NUP50: variants seen among roughly 807,000 people sequenced by gnomAD.
NUP50 encodes nucleoporin 50.
Under a neutral mutation model 36.8 loss-of-function variants are expected in NUP50, and 14 were observed. The ratio of observed to expected loss-of-function variants is 0.38; its 90% CI spans 0.25 to 0.59. NUP50 has a LOEUF of 0.59. Among genes scored for constraint, NUP50 ranks in the 20% least tolerant of loss-of-function variants. The pLI, the probability that NUP50 is intolerant of heterozygous loss-of-function variation, is 0.63. For missense variants in NUP50, 455 were observed against 564.6 expected, an observed-to-expected ratio of 0.81 and a Z score of 1.97; for synonymous variants, 195 against 210.8, an observed-to-expected ratio of 0.93 and a Z score of 0.65.
Position 45,164,111 on chromosome 22 carries a change from A to C in NUP50, c.-196A>C, listed in dbSNP as rs2074055371. ...CGAACACAGCGTGAGGAGCCCCCCC[A>C]GGGATATGGTGTTTGAGTCTCTGGG... is the stretch of plus-strand genomic sequence containing the variant. On this transcript the variant is annotated 5_prime_UTR_variant, in exon 1 of 8. Coordinates refer to ENST00000347635, the MANE Select transcript of NUP50 (RefSeq NM_007172.4). 1 of 152,186 alleles carries C rather than the reference A, an allele frequency of 6.6e-6. No individual in the cohort carries two copies. Among genetic ancestry groups the C allele is most frequent in the Non-Finnish European group, 1.5e-5 (1 of 68,068 alleles). The allele number at this position is 152,186 out of a possible 1,614,324, so 9.4% of individuals were successfully genotyped here.
chr22:45,167,791 C>A lies in NUP50; in HGVS notation c.-10-377C>A, dbSNP rs867277196. Among the ~76,000 whole-genome samples, 3 of 152,324 alleles carry A rather than the reference C, an allele frequency of 2.0e-5. No homozygotes were observed. The South Asian group carries it at 6.2e-4, about 32-fold the overall frequency. On this transcript the variant is annotated intron_variant, in intron 1 of 7. Transcript: ENST00000347635. ...ATTATTTTCTTTATGACAAGACTTT[C>A]AGTATGTATATGCGTAGAATAAGTT...
chr22:45,170,946 T>G, intron 2 of NUP50: 1 of 1,293,990 alleles, frequency 7.7e-7, no homozygotes, highest in South Asian at 1.2e-5. Context: ...CAACTATAGG[T>G]GAGAATTTTT....
At chr22:45,174,408 C>A (rs2074245906) in intron 3 of NUP50, among the ~76,000 whole-genome samples, 1 of 152,154 alleles carries the variant, frequency 6.6e-6, no homozygotes, top group Admixed American at 6.5e-5. Context: ...AACTCCTGGG[C>A]TCAAGTGACC....
chr22:45,173,453 C>A (rs1294334069), intron 3 of NUP50, among the ~76,000 whole-genome samples: 1 of 150,216 alleles, frequency 6.7e-6, no homozygotes, highest in Non-Finnish European at 1.5e-5. Flanking sequence ...TGGGAAGATA[C>A]ATGGGGGGAG....
Position 45,164,216 on chromosome 22 carries a change from G to A in NUP50, c.-91G>A, listed in dbSNP as rs2074057127. On this transcript the variant is annotated 5_prime_UTR_variant, in exon 1 of 8. Coordinates refer to ENST00000347635, the MANE Select transcript of NUP50 (RefSeq NM_007172.4). ...GCGCGCTCAGCCCGGCGACCCCTGCGGGCTCCAGACCCCTGCGCCGCTGCG... is the reference window on the plus strand; with the variant it reads ...GCGCGCTCAGCCCGGCGACCCCTGCAGGCTCCAGACCCCTGCGCCGCTGCG... 1 of 152,286 alleles carries A rather than the reference G, an allele frequency of 6.6e-6. No individual in the cohort carries two copies. The highest frequency in any genetic ancestry group is 2.4e-5 in the African/African-American group (1 of 41,460). 9.4% of individuals were successfully genotyped at this position (152,286 alleles called of 1,614,324 possible).
intron 5 of NUP50, 105 bp downstream of exon 5, chr22:45,179,005 C>T (rs756355061): frequency 2.5e-5 from 27 of 1,079,588 alleles, no homozygotes; most frequent in Middle Eastern, 2.1e-4. Flanking sequence ...CACATTGAGA[C>T]GTTGTTCTCT....
At chr22:45,167,766 A>G in intron 1 of NUP50, among the ~76,000 whole-genome samples, 1 of 152,350 alleles carries the variant, frequency 6.6e-6, no homozygotes, top group South Asian at 2.1e-4. Flanking sequence ...AAATATTAAA[A>G]TTATTTTCTT....
At chr22:45,183,345 C>T (rs2074412199) in intron 6 of NUP50, 57 bp from the exon 7 acceptor site, 2 of 992,188 alleles carry the variant, frequency 2.0e-6, no homozygotes, top group Non-Finnish European at 3.2e-6. Flanking sequence ...TGTTAGAAAA[C>T]TGTGTGACTT....
At position 45,170,231 on chromosome 22, in the gene NUP50, G is replaced by C. The variant is rs930260001; in HGVS notation, c.70-1369G>C. ...CGCCCAGCCATTCAGGGCCACTGCC[G>C]GTCTCCGTGTCTTGGTGGTAGTAGT... On this transcript the variant is annotated intron_variant, in intron 2 of 7. Transcript: ENST00000347635. Among the ~76,000 whole-genome samples the C allele has an allele frequency of 2.6e-5, 4 of 151,812 alleles. No individual in the cohort carries two copies. In the East Asian group the frequency reaches 7.8e-4, roughly 30 times the overall value.
intron 6 of NUP50, among the ~76,000 whole-genome samples, chr22:45,182,745 C>G (rs1262609331): frequency 6.6e-6 from 1 of 150,416 alleles, no homozygotes. Flanking sequence ...CTGCCTCAGC[C>G]TCCCGAGTAG....
At chr22:45,172,892 T>A (rs2074218347) in intron 3 of NUP50, among the ~76,000 whole-genome samples, 1 of 152,206 alleles carries the variant, frequency 6.6e-6, no homozygotes, top group African/African-American at 2.4e-5. Context: ...CTAAAATATA[T>A]TACTGTATAT....
At chr22:45,182,446 AATAC>A (rs1264671839) in intron 6 of NUP50, among the ~76,000 whole-genome samples, 10 of 152,028 alleles carry the variant, frequency 6.6e-5, no homozygotes, top group African/African-American at 2.4e-4. Context: ...TCTCAAAAGA[AATAC>A]ATAAATCAAT....
intron 6 of NUP50, among the ~76,000 whole-genome samples, chr22:45,182,518 G>A (rs1168579108): frequency 6.6e-6 from 1 of 151,980 alleles, no homozygotes; most frequent in Non-Finnish European, 1.5e-5. Flanking sequence ...AGGAGGCTGG[G>A]AAGATATTTG....
In NUP50 at chr22:45,187,330, TCTGA is replaced by T. The variant is rs2083459604; in HGVS notation, c.*2679_*2682del. On this transcript the variant is annotated 3_prime_UTR_variant, in exon 8 of 8. Coordinates refer to ENST00000347635, the MANE Select transcript of NUP50 (RefSeq NM_007172.4). ...ATTATGTTTTCCATGGAAGGACAAG[TCTGA>T]CTGTTCATAGGCTGATTTTCTTTAA... 1 of 152,374 alleles carries T rather than the reference TCTGA, an allele frequency of 6.6e-6. No homozygotes were observed. The highest frequency in any genetic ancestry group is 6.6e-5 in the Admixed American group (1 of 15,244). 9.4% of individuals were successfully genotyped at this position (152,374 alleles called of 1,614,324 possible).
chr22:45,170,918 G>A, intron 2 of NUP50: 1 of 1,231,540 alleles, frequency 8.1e-7, no homozygotes, highest in East Asian at 5.8e-5. Context: ...AGCCCGTTAA[G>A]TTTAATATGA....
In NUP50 at chr22:45,181,140, C is replaced by G; in HGVS notation, c.1004-146C>G. The G allele has an allele frequency of 1.3e-5, 2 of 158,230 alleles. 1 individual carries two copies. The highest frequency in any genetic ancestry group is 2.7e-5 in the Non-Finnish European group (2 of 75,076). The allele number at this position is 158,230 out of a possible 1,614,324, so 9.8% of individuals were successfully genotyped here. On this transcript the variant is annotated intron_variant, in intron 5 of 7. Coordinates refer to ENST00000347635, the MANE Select transcript of NUP50 (RefSeq NM_007172.4). ...GCAGGTACTCCCTTCTGGCATCCCC[C>G]CCCCCCCCCATTAAGTGTGCATTTT...
intron 7 of NUP50, chr22:45,183,845 A>G (rs377376144): frequency 1.1e-4 from 30 of 280,658 alleles, no homozygotes; most frequent in African/African-American, 6.2e-4. Flanking sequence ...AGTAATGACT[A>G]ACTGCTTGCT....
At chr22:45,172,784 C>T (rs1442967837) in intron 3 of NUP50, among the ~76,000 whole-genome samples, 2 of 152,132 alleles carry the variant, frequency 1.3e-5, no homozygotes, top group South Asian at 2.1e-4. Context: ...GTCAGTAAGA[C>T]GTTTACAACA....
At chr22:45,170,571 T>C (rs910209248) in intron 2 of NUP50, among the ~76,000 whole-genome samples, 1 of 152,232 alleles carries the variant, frequency 6.6e-6, no homozygotes, top group African/African-American at 2.4e-5. Context: ...TCTCTACAAG[T>C]GTATCTCCTC....
Sources: allele counts gnomAD v4.1 joint callset (sites outside exome capture counted in the v4.1 genomes callset), GRCh38; gene constraint gnomAD v4.1.1; transcripts MANE v1.5; gene names NCBI Gene and HGNC (gene_info 2026-07-23, HGNC 2026-07-21).